Variants in GPHN observed in about 807,000 individuals in gnomAD.
GPHN encodes the protein gephyrin.
A neutral mutation model predicts 95.5 loss-of-function variants in GPHN; 17 were observed. That is an observed-to-expected ratio of 0.18 (90% confidence interval 0.12 to 0.27). The LOEUF (loss-of-function observed/expected upper bound fraction) is 0.27. Ranked by LOEUF, GPHN falls within the 10% of genes least tolerant of loss-of-function variation. The pLI is 1.00. For missense variants in GPHN, 660 were observed against 978.1 expected (o/e 0.67, Z 4.34); for synonymous variants, 320 against 322.5 (o/e 0.99, Z 0.08).
At chr14:67,655,092 C>T in the GPHN span, among the ~76,000 whole-genome samples, 4 of 146,696 alleles carry the variant, frequency 2.7e-5, no homozygotes, top group Admixed American at 1.4e-4. Flanking sequence ...GTAATCCTAG[C>T]GCTTTGGGAG....
At chr14:66,833,305 C>T (rs973182410) in intron 4 of GPHN, among the ~76,000 whole-genome samples, 47 of 152,088 alleles carry the variant, frequency 3.1e-4, no homozygotes, top group African/African-American at 1.1e-3. Flanking sequence ...ATAAAAACAT[C>T]AGATCTCAGG....
chr14:66,642,684 G>A (rs2064491369), intron 1 of GPHN, among the ~76,000 whole-genome samples: 1 of 151,442 alleles, frequency 6.6e-6, no homozygotes, highest in South Asian at 2.1e-4. Context: ...ATTTGTTACA[G>A]AAGTAAAAGA....
At chr14:66,525,711 G>A (rs1234323098) in intron 1 of GPHN, among the ~76,000 whole-genome samples, 1 of 152,122 alleles carries the variant, frequency 6.6e-6, no homozygotes, top group African/African-American at 2.4e-5. Flanking sequence ...TTATGCATAT[G>A]GGTAGCCAGT....
the GPHN span, among the ~76,000 whole-genome samples, chr14:67,244,918 C>T: frequency 8.9e-3 from 1,354 of 152,036 alleles, 24 homozygotes; most frequent in African/African-American, 0.032. Flanking sequence ...CAGTGTATCA[C>T]AGAATCTTTA....
intron 2 of GPHN, among the ~76,000 whole-genome samples, chr14:66,772,068 A>C (rs1259149757): frequency 6.6e-6 from 1 of 152,088 alleles, no homozygotes; most frequent in Non-Finnish European, 1.5e-5. Flanking sequence ...TATCTTTTGA[A>C]AATTCCACTT....
intron 2 of GPHN, among the ~76,000 whole-genome samples, chr14:66,685,634 A>G (rs2067303037): frequency 3.3e-5 from 5 of 152,058 alleles, no homozygotes; most frequent in Admixed American, 2.0e-4. Context: ...TGCTTTGTAG[A>G]TTCTGGATAT....
chr14:67,579,124 G>A, the GPHN span: 44 of 1,112,050 alleles, frequency 4.0e-5, 3 homozygotes, highest in South Asian at 5.7e-4. Context: ...CCCCTCTTCC[G>A]TCTTTTTAGA....
chr14:66,929,591 G>A (rs1274164294), intron 8 of GPHN, among the ~76,000 whole-genome samples: 1 of 151,752 alleles, frequency 6.6e-6, no homozygotes, highest in African/African-American at 2.4e-5. Context: ...TTTTTATAGT[G>A]TTTGTCTTAA....
intron 1 of GPHN, among the ~76,000 whole-genome samples, chr14:66,657,412 C>A (rs977562403): frequency 6.6e-6 from 1 of 152,212 alleles, no homozygotes; most frequent in East Asian, 1.9e-4. Context: ...ATTGATGAAT[C>A]TTTAGTGGCT....
the GPHN span, among the ~76,000 whole-genome samples, chr14:67,456,121 CA>C: frequency 1.3e-5 from 2 of 152,010 alleles, no homozygotes; most frequent in Non-Finnish European, 2.9e-5. Flanking sequence ...AATTAACAAA[CA>C]AAAAACCAAA....
At chr14:67,029,003 T>A (rs1213679020) in intron 10 of GPHN, among the ~76,000 whole-genome samples, 2 of 152,328 alleles carry the variant, frequency 1.3e-5, no homozygotes, top group East Asian at 3.9e-4. Context: ...CTCGTTCTTA[T>A]GTTTAAGTAT....
chr14:67,010,715 A>T (rs2072948289), intron 9 of GPHN, among the ~76,000 whole-genome samples: 1 of 152,122 alleles, frequency 6.6e-6, no homozygotes, highest in African/African-American at 2.4e-5. Flanking sequence ...CTAATGGATG[A>T]GTTTCTGCAG....
chr14:67,235,941 G>A, the GPHN span, among the ~76,000 whole-genome samples: 1 of 151,840 alleles, frequency 6.6e-6, no homozygotes, highest in African/African-American at 2.4e-5. Flanking sequence ...AGTTTTATGT[G>A]TGTCTTTTTA....
chr14:67,587,133 C>T, the GPHN span: 133 of 1,613,406 alleles, frequency 8.2e-5, no homozygotes, highest in Non-Finnish European at 1.1e-4. Context: ...CAACTGTGAA[C>T]CCCCCCACCA....
chr14:67,200,570 A>T, the GPHN span: 1 of 229,402 alleles, frequency 4.4e-6, no homozygotes, highest in African/African-American at 2.4e-5. Flanking sequence ...ATGTAAGGAG[A>T]CTTCATCTTC....
At chr14:67,382,858 C>T in the GPHN span, among the ~76,000 whole-genome samples, 1 of 151,996 alleles carries the variant, frequency 6.6e-6, no homozygotes, top group African/African-American at 2.4e-5. Context: ...AAGTTGTCTC[C>T]TGTCTTTTCC....
rs1324224146 is a variant in GPHN, at chr14:66,903,341, A to G, written c.390-12662A>G. Among the ~76,000 whole-genome samples the G allele has an allele frequency of 2.0e-5, 3 of 152,172 alleles. No individual in the cohort carries two copies. In the East Asian group the frequency reaches 5.8e-4, roughly 29 times the overall value. On this transcript the variant is annotated intron_variant, in intron 5 of 22. Coordinates refer to ENST00000478722, the MANE Select transcript of GPHN (RefSeq NM_020806.5). ...TTGCTGAATTGACCTCTTTATCATT[A>G]TATAATCTCCTCCTTTGTCTATTTT...
the GPHN span, chr14:67,586,978 G>C: frequency 6.5e-7 from 1 of 1,535,002 alleles, no homozygotes; most frequent in Non-Finnish European, 8.8e-7. Flanking sequence ...TAAATAAACT[G>C]AGGCCCAGGA....
chr14:67,356,450 AAAAC>A, the GPHN span, among the ~76,000 whole-genome samples: 23,100 of 151,254 alleles, frequency 0.15, 3,345 homozygotes, highest in East Asian at 0.42. Flanking sequence ...AAAAAAAACA[AAAAC>A]AAACAAACAC....
Sources: allele counts gnomAD v4.1 joint callset (sites outside exome capture counted in the v4.1 genomes callset), GRCh38; gene constraint gnomAD v4.1.1; transcripts MANE v1.5; gene names NCBI Gene and HGNC (gene_info 2026-07-23, HGNC 2026-07-21).